The following HMGCLL1 variants were observed in gnomAD, a reference collection of about 807,000 sequenced individuals.
The protein encoded by HMGCLL1 is 3-hydroxymethyl-3-methylglutaryl-CoA lyase, cytoplasmic.
A neutral mutation model predicts 39.1 loss-of-function variants in HMGCLL1; 36 were observed. The observed-to-expected ratio is 0.92, with a 90% CI of 0.71 to 1.22. The LOEUF (loss-of-function observed/expected upper bound fraction) is 1.22. Among genes scored for constraint, HMGCLL1 ranks in the 50% most tolerant of loss-of-function variants. The probability of loss-of-function intolerance (pLI) is 0.00; values close to 1 mark genes in which losing one functional copy is unlikely to be tolerated. For missense variants in HMGCLL1, 451 were observed against 416.5 expected (o/e 1.08, Z -0.72); for synonymous variants, 149 against 144.0 (o/e 1.03, Z -0.25).
the HMGCLL1 span, among the ~76,000 whole-genome samples, chr6:55,612,692 C>T: frequency 3.9e-5 from 6 of 152,058 alleles, no homozygotes; most frequent in African/African-American, 1.4e-4. Flanking sequence ...CAAAAACAAG[C>T]AATGGGGAAA....
intron 1 of HMGCLL1, among the ~76,000 whole-genome samples, chr6:55,560,719 C>T (rs992495436): frequency 6.6e-6 from 1 of 152,146 alleles, no homozygotes; most frequent in South Asian, 2.1e-4. Flanking sequence ...GTTCATTTGG[C>T]TGTGCAGACT....
rs781248955 is a variant in HMGCLL1 at position 55,541,708 on chromosome 6, A to C, written c.297+21T>G. ...GTGAAGTTGAATTAGGATCTAATTA[A>C]GAAATTGTGGGTTTACATACCTGTG... On this transcript the variant is annotated intron_variant, in intron 3 of 8. Transcript: ENST00000274901. 1.2e-5 allele frequency: 15 copies of C among 1,236,714 alleles called. No homozygotes were observed. In the African/African-American group the frequency reaches 2.1e-4, roughly 18 times the overall value. The allele number at this position is 1,236,714 out of a possible 1,614,324, so 76.6% of individuals were successfully genotyped here.
At chr6:55,473,098 C>T (rs1765117330) in intron 7 of HMGCLL1, among the ~76,000 whole-genome samples, 1 of 151,108 alleles carries the variant, frequency 6.6e-6, no homozygotes, top group South Asian at 2.1e-4. Flanking sequence ...GTCATGTATA[C>T]TTTTTCTATC....
the HMGCLL1 span, among the ~76,000 whole-genome samples, chr6:55,625,048 G>A: frequency 6.6e-6 from 1 of 152,126 alleles, no homozygotes; most frequent in Non-Finnish European, 1.5e-5. Context: ...GTGGCAGATA[G>A]GGATGCTGTT....
intron 7 of HMGCLL1, among the ~76,000 whole-genome samples, chr6:55,462,849 G>A (rs1249458404): frequency 2.0e-5 from 3 of 152,032 alleles, no homozygotes. Flanking sequence ...GTAGTTAACT[G>A]CAGAACGTGT....
the HMGCLL1 span, among the ~76,000 whole-genome samples, chr6:55,598,814 T>C: frequency 6.6e-6 from 1 of 152,228 alleles, no homozygotes; most frequent in African/African-American, 2.4e-5. Context: ...AAATGAACTC[T>C]TTCCAATTCA....
chr6:55,504,618 A>T (rs1175887430), intron 5 of HMGCLL1, among the ~76,000 whole-genome samples: 2 of 151,664 alleles, frequency 1.3e-5, no homozygotes, highest in Non-Finnish European at 3.0e-5. Context: ...AATACCTAAT[A>T]TAATGTAAAT....
Position 55,435,679 on chromosome 6 carries a change from C to CT in HMGCLL1, c.1005dup (p.Ala336SerfsTer8), listed in dbSNP as rs1464039811. 1 of 1,596,530 alleles carries CT rather than the reference C, an allele frequency of 6.3e-7. No individual in the cohort carries two copies. Among genetic ancestry groups the CT allele is most frequent in the African/African-American group, 1.4e-5 (1 of 74,048 alleles). On this transcript the variant is annotated frameshift_variant, in exon 9 of 9. Transcript: ENST00000274901. LOFTEE classifies it high-confidence loss of function. Reference sequence around the variant, plus strand: ...CATTCAAGTCAAGCATTGAAGGAGGCTTGTGCTACTTTAGAGTTTGTGGTT... The same window carrying CT: ...CATTCAAGTCAAGCATTGAAGGAGGCTTTGTGCTACTTTAGAGTTTGTGGTT...
intron 1 of HMGCLL1, among the ~76,000 whole-genome samples, chr6:55,556,810 A>G (rs1412565454): frequency 6.6e-6 from 1 of 152,160 alleles, no homozygotes; most frequent in Non-Finnish European, 1.5e-5. Flanking sequence ...CTGAGAGTAC[A>G]TTAACTTTTC....
the HMGCLL1 span, among the ~76,000 whole-genome samples, chr6:55,628,281 G>T: frequency 7.6e-6 from 1 of 131,368 alleles, no homozygotes; most frequent in African/African-American, 2.9e-5. Context: ...GCACTTTATT[G>T]TTCTTATTTT....
At chr6:55,621,979 G>A in the HMGCLL1 span, among the ~76,000 whole-genome samples, 2 of 151,946 alleles carry the variant, frequency 1.3e-5, no homozygotes, top group Non-Finnish European at 2.9e-5. Context: ...TTTCATTATA[G>A]AGAACTTTCT....
intron 7 of HMGCLL1, among the ~76,000 whole-genome samples, chr6:55,445,488 A>G (rs1561884615): frequency 1.3e-5 from 2 of 152,096 alleles, no homozygotes; most frequent in Non-Finnish European, 2.9e-5. Context: ...TTTTTACTTA[A>G]CCATTGAAAT....
At chr6:55,563,401 T>A (rs1395811040) in intron 1 of HMGCLL1, among the ~76,000 whole-genome samples, 1 of 152,128 alleles carries the variant, frequency 6.6e-6, no homozygotes, top group Non-Finnish European at 1.5e-5. Context: ...ATGCCCAGTT[T>A]TTTTGGTTTT....
intron 7 of HMGCLL1, among the ~76,000 whole-genome samples, chr6:55,461,502 A>T (rs1368769986): frequency 6.6e-6 from 1 of 152,084 alleles, no homozygotes; most frequent in Non-Finnish European, 1.5e-5. Flanking sequence ...TTTGAAATAC[A>T]GTAAGGTTTA....
chr6:55,650,122 T>TACACAC, the HMGCLL1 span, among the ~76,000 whole-genome samples: 3 of 78,634 alleles, frequency 3.8e-5, no homozygotes, highest in South Asian at 4.3e-4. Flanking sequence ...TATATATATA[T>TACACAC]ATATATATAT....
chr6:55,513,881 T>C, intron 5 of HMGCLL1, 167 bp downstream of exon 5: 1 of 587,032 alleles, frequency 1.7e-6, no homozygotes, highest in Non-Finnish European at 2.9e-6. Flanking sequence ...TAATCAGCAG[T>C]GATGTTAATG....
intron 7 of HMGCLL1, among the ~76,000 whole-genome samples, chr6:55,448,272 G>T (rs1357595468): frequency 6.6e-6 from 1 of 150,560 alleles, no homozygotes; most frequent in East Asian, 1.9e-4. Flanking sequence ...CATAAGATTG[G>T]CTATCATGAA....
chr6:55,572,682 G>C (rs1209134470), intron 1 of HMGCLL1, among the ~76,000 whole-genome samples: 2 of 152,078 alleles, frequency 1.3e-5, no homozygotes, highest in Non-Finnish European at 2.9e-5. Context: ...AGTTCAAGTA[G>C]TATGGTAAAT....
chr6:55,589,124 A>G, the HMGCLL1 span, among the ~76,000 whole-genome samples: 1 of 152,236 alleles, frequency 6.6e-6, no homozygotes, highest in African/African-American at 2.4e-5. Context: ...TTAGACAAAT[A>G]TCCCTGATGA....
Sources: gnomAD v4.1 joint callset for allele counts (sites outside exome capture counted in the v4.1 genomes callset) on GRCh38, gnomAD v4.1.1 for gene constraint, MANE v1.5 for transcripts, NCBI Gene and HGNC (gene_info 2026-07-23, HGNC 2026-07-21) for gene names.